CTNNA3: variants seen among roughly 807,000 people sequenced by gnomAD.
The protein encoded by CTNNA3 is catenin alpha-3.
A neutral mutation model predicts 95.7 loss-of-function variants in CTNNA3; 76 were observed. The ratio of observed to expected loss-of-function variants is 0.79; its 90% CI spans 0.66 to 0.96. The LOEUF is 0.96. Ranked by LOEUF, CTNNA3 falls within the 40% of genes least tolerant of loss-of-function variation. The pLI, the probability that CTNNA3 is intolerant of heterozygous loss-of-function variation, is 0.00. For synonymous variants in CTNNA3, 431 were observed against 374.4 expected, an observed-to-expected ratio of 1.15 and a Z score of -1.74; for missense variants, 1,191 against 1,089.8, an observed-to-expected ratio of 1.09 and a Z score of -1.31.
At chr10:66,722,290 A>G (rs1345490522) in intron 9 of CTNNA3, among the ~76,000 whole-genome samples, 1 of 151,966 alleles carries the variant, frequency 6.6e-6, no homozygotes, top group East Asian at 1.9e-4. Flanking sequence ...AGGCAGGAGA[A>G]GGATGTGAAC....
At chr10:66,637,918 G>C (rs1181623680) in intron 9 of CTNNA3, among the ~76,000 whole-genome samples, 2 of 152,022 alleles carry the variant, frequency 1.3e-5, no homozygotes, top group African/African-American at 4.8e-5. Context: ...TAACACTAAT[G>C]GGCAGCTGCC....
At chr10:66,504,078 C>A (rs1162468345) in intron 11 of CTNNA3, among the ~76,000 whole-genome samples, 2 of 152,034 alleles carry the variant, frequency 1.3e-5, no homozygotes, top group African/African-American at 2.4e-5. Flanking sequence ...TACTTGTTCT[C>A]TCAGCGATTT....
chr10:67,371,671 T>G (rs1843471946), intron 5 of CTNNA3, among the ~76,000 whole-genome samples: 1 of 152,334 alleles, frequency 6.6e-6, no homozygotes, highest in Non-Finnish European at 1.5e-5. Flanking sequence ...CTATTGTGAA[T>G]AGTGCTGCAA....
At chr10:65,960,154 GA>G (rs2077813679) in intron 17 of CTNNA3, among the ~76,000 whole-genome samples, 1 of 152,130 alleles carries the variant, frequency 6.6e-6, no homozygotes, top group African/African-American at 2.4e-5. Context: ...TTATCAGCAA[GA>G]AATTCTTCAA....
At chr10:66,493,456 A>C (rs1839990549) in intron 11 of CTNNA3, among the ~76,000 whole-genome samples, 1 of 152,112 alleles carries the variant, frequency 6.6e-6, no homozygotes, top group Non-Finnish European at 1.5e-5. Context: ...AGAATATGCT[A>C]AAAAGGTTAA....
chr10:66,759,215 G>A (rs1839498735), intron 9 of CTNNA3, among the ~76,000 whole-genome samples: 1 of 152,078 alleles, frequency 6.6e-6, no homozygotes, highest in Non-Finnish European at 1.5e-5. Context: ...GAGAAGAAAG[G>A]GAAGACAAAT....
chr10:67,094,898 T>A (rs983430241), intron 7 of CTNNA3, among the ~76,000 whole-genome samples: 1 of 151,666 alleles, frequency 6.6e-6, no homozygotes, highest in African/African-American at 2.4e-5. Context: ...ATGAATCTTA[T>A]ATAGATGTCA....
chr10:67,577,266 T>C (rs567864504), intron 3 of CTNNA3, among the ~76,000 whole-genome samples: 12 of 152,216 alleles, frequency 7.9e-5, no homozygotes, highest in South Asian at 2.1e-4. Context: ...TGAGATGGTA[T>C]CTCATTGTGG....
intron 7 of CTNNA3, among the ~76,000 whole-genome samples, chr10:66,779,218 T>C (rs1251971701): frequency 6.6e-6 from 1 of 152,158 alleles, no homozygotes; most frequent in Non-Finnish European, 1.5e-5. Flanking sequence ...ATAAGACACC[T>C]TAATGGGTCT....
intron 13 of CTNNA3, among the ~76,000 whole-genome samples, chr10:66,225,465 TA>T (rs1293467701): frequency 6.7e-6 from 1 of 148,530 alleles, no homozygotes; most frequent in East Asian, 2.0e-4. Context: ...ATATTATCTT[TA>T]TCCATTAATC....
At chr10:66,711,903 T>C (rs1315262603) in intron 9 of CTNNA3, among the ~76,000 whole-genome samples, 1 of 152,114 alleles carries the variant, frequency 6.6e-6, no homozygotes, top group East Asian at 1.9e-4. Context: ...TTCTTGTGTT[T>C]TTACTATTTA....
intron 14 of CTNNA3, among the ~76,000 whole-genome samples, chr10:66,079,609 C>T (rs1417585133): frequency 2.0e-5 from 3 of 151,832 alleles, no homozygotes; most frequent in Non-Finnish European, 2.9e-5. Context: ...TTTCTAACAA[C>T]AATTTTCTTG....
In CTNNA3 at chr10:66,106,714, A is replaced by G. The variant is rs562082545; in HGVS notation, c.1885-3465T>C. On this transcript the variant is annotated intron_variant, in intron 13 of 17. Transcript: ENST00000433211. ...CCACTACCTTATACCTCATCCCAAT[A>G]TACACCTTTATATTTTTATTAAACA... Among the ~76,000 whole-genome samples the G allele has an allele frequency of 2.8e-4, 43 of 152,184 alleles. No individual in the cohort carries two copies. The South Asian group carries it at 7.7e-3, about 27-fold the overall frequency.
chr10:66,873,667 C>T (rs893712760), intron 7 of CTNNA3, among the ~76,000 whole-genome samples: 2 of 152,128 alleles, frequency 1.3e-5, no homozygotes, highest in African/African-American at 4.8e-5. Context: ...AGAAAGGACG[C>T]CCCCATTCAA....
chr10:66,845,853 G>T (rs982559791), intron 7 of CTNNA3, among the ~76,000 whole-genome samples: 13 of 151,368 alleles, frequency 8.6e-5, no homozygotes, highest in African/African-American at 2.9e-4. Flanking sequence ...AATCCTGGCT[G>T]TAAGCGGTGG....
At chr10:66,598,425 G>A (rs1039690907) in intron 10 of CTNNA3, among the ~76,000 whole-genome samples, 4 of 151,808 alleles carry the variant, frequency 2.6e-5, no homozygotes, top group African/African-American at 9.7e-5. Flanking sequence ...ATTAGACAAA[G>A]GAAAGAAATA....
chr10:67,538,299 G>A (rs1840552098), intron 4 of CTNNA3, among the ~76,000 whole-genome samples: 1 of 152,058 alleles, frequency 6.6e-6, no homozygotes, highest in African/African-American at 2.4e-5. Flanking sequence ...GATGTGGCTG[G>A]GAGCACTGGC....
intron 7 of CTNNA3, among the ~76,000 whole-genome samples, chr10:66,889,674 A>G (rs1845187470): frequency 6.6e-6 from 1 of 152,128 alleles, no homozygotes; most frequent in South Asian, 2.1e-4. Context: ...AGATTTTATG[A>G]TGCATAAGGT....
chr10:66,821,786 T>G (rs1382113211), intron 7 of CTNNA3, among the ~76,000 whole-genome samples: 1 of 152,162 alleles, frequency 6.6e-6, no homozygotes, highest in Non-Finnish European at 1.5e-5. Flanking sequence ...ATCGTATTTA[T>G]TAAGTCTTTG....
Sources: allele counts gnomAD v4.1 joint callset (sites outside exome capture counted in the v4.1 genomes callset), GRCh38; gene constraint gnomAD v4.1.1; transcripts MANE v1.5; gene names NCBI Gene and HGNC (gene_info 2026-07-23, HGNC 2026-07-21).